Variants in CNTN4 observed in about 807,000 individuals in gnomAD.
The protein encoded by CNTN4 is contactin-4.
A neutral mutation model predicts 122.5 loss-of-function variants in CNTN4; 77 were observed. The ratio of observed to expected loss-of-function variants is 0.63; its 90% confidence interval spans 0.52 to 0.76. The LOEUF (loss-of-function observed/expected upper bound fraction) is 0.76, where lower values mean the gene tolerates loss of function less well. CNTN4 is among the 30% of genes least tolerant of loss of function. CNTN4 has a pLI of 0.00. For missense variants in CNTN4, 1,256 were observed against 1,259.1 expected, an observed-to-expected ratio of 1.00 and a Z score of 0.04; for synonymous variants, 512 against 447.0, an observed-to-expected ratio of 1.15 and a Z score of -1.83.
At chr3:2,365,737 A>G (rs1347784278) in intron 3 of CNTN4, among the ~76,000 whole-genome samples, 1 of 152,172 alleles carries the variant, frequency 6.6e-6, no homozygotes, top group African/African-American at 2.4e-5. Context: ...AAAAATATAT[A>G]TATACCATGT....
intron 2 of CNTN4, among the ~76,000 whole-genome samples, chr3:2,132,681 G>A (rs2034507989): frequency 6.6e-6 from 1 of 152,034 alleles, no homozygotes; most frequent in Non-Finnish European, 1.5e-5. Flanking sequence ...CTTAGTGCAG[G>A]AGTTTAAAAC....
intron 8 of CNTN4, among the ~76,000 whole-genome samples, chr3:2,870,983 C>A (rs1215161622): frequency 6.6e-6 from 1 of 152,128 alleles, no homozygotes; most frequent in East Asian, 1.9e-4. Context: ...CCGAGTCCTG[C>A]AAAACCCTGG....
At chr3:2,423,743 C>G (rs942446927) in intron 3 of CNTN4, among the ~76,000 whole-genome samples, 1 of 151,920 alleles carries the variant, frequency 6.6e-6, no homozygotes, top group Non-Finnish European at 1.5e-5. Flanking sequence ...ATTTTTTGCT[C>G]TCTTTTAATA....
chr3:2,913,156 A>G (rs2094319219), intron 12 of CNTN4, among the ~76,000 whole-genome samples: 1 of 152,234 alleles, frequency 6.6e-6, no homozygotes, highest in Admixed American at 6.5e-5. Context: ...TGTCTCAAAA[A>G]TAAACAAATT....
intron 6 of CNTN4, among the ~76,000 whole-genome samples, chr3:2,767,325 G>C (rs1315346961): frequency 1.3e-5 from 2 of 152,140 alleles, no homozygotes; most frequent in African/African-American, 4.8e-5. Flanking sequence ...CAAGTGATTG[G>C]TGTGAGTGCA....
chr3:2,613,968 G>T (rs556001852), intron 4 of CNTN4, among the ~76,000 whole-genome samples: 2 of 152,064 alleles, frequency 1.3e-5, no homozygotes, highest in South Asian at 2.1e-4. Context: ...TAACCCTCGT[G>T]GATACAGTAA....
intron 14 of CNTN4, among the ~76,000 whole-genome samples, chr3:3,008,832 A>G (rs1414754103): frequency 6.6e-6 from 1 of 152,184 alleles, no homozygotes; most frequent in Non-Finnish European, 1.5e-5. Flanking sequence ...CCAACCTAAT[A>G]TAATAGGAAT....
intron 4 of CNTN4, among the ~76,000 whole-genome samples, chr3:2,611,297 C>CAAAAAAAAAAAAAAAAAAAAAAA (rs201162114): frequency 4.3e-4 from 27 of 62,310 alleles, no homozygotes; most frequent in Non-Finnish European, 5.4e-4. Context: ...CACCTGGAAC[C>CAAAAAAAAAAAAAAAAAAAAAAA]AAAAAAAAAA....
intron 4 of CNTN4, among the ~76,000 whole-genome samples, chr3:2,643,045 C>G (rs1234971862): frequency 6.6e-6 from 1 of 152,218 alleles, no homozygotes; most frequent in Non-Finnish European, 1.5e-5. Flanking sequence ...ATACACAACT[C>G]TTGCCACAAA....
At chr3:2,419,932 G>A (rs2047554182) in intron 3 of CNTN4, among the ~76,000 whole-genome samples, 1 of 152,058 alleles carries the variant, frequency 6.6e-6, no homozygotes, top group Non-Finnish European at 1.5e-5. Context: ...TCTGCTTGAT[G>A]ACTGTAATTT....
chr3:2,196,335 T>G (rs2037830137), intron 2 of CNTN4, among the ~76,000 whole-genome samples: 1 of 152,212 alleles, frequency 6.6e-6, no homozygotes, highest in African/African-American at 2.4e-5. Context: ...TGAACCCTAC[T>G]GTGAATCCTG....
Position 2,866,862 on chromosome 3 carries a change from G to A in CNTN4, c.565G>A (p.Val189Ile), listed in dbSNP as rs776112548. 1.1e-5 allele frequency: 18 copies of A among 1,613,934 alleles called. No homozygotes were observed. The highest frequency in any genetic ancestry group is 1.6e-4 in the Middle Eastern group (1 of 6,084). Residue 189 changes from valine to isoleucine, a missense_variant, in exon 8 of 25, where the codon GTT (valine) becomes ATT (isoleucine). Val to Ile is a conservative substitution (Grantham distance 29). Coordinates refer to ENST00000418658, the MANE Select transcript of CNTN4 (RefSeq NM_175607.3). The stretch of plus-strand genomic sequence containing the variant: ...TATTGCCAAAGTAGAAAAATCAGAT[G>A]TTGGGAATTATACCTGTGTGGTTAC... Reference protein sequence around the residue: ...LYIAKVEKSDVGNYTCVVTNT... With the variant: ...LYIAKVEKSDIGNYTCVVTNT...
Position 2,383,017 on chromosome 3 carries a change from G to A in CNTN4, c.-89+43784G>A, listed in dbSNP as rs549065145. On this transcript the variant is annotated intron_variant, in intron 3 of 24. Coordinates refer to ENST00000418658, the MANE Select transcript of CNTN4 (RefSeq NM_175607.3). ...TTGAACTCGGGAGGCGGAGGTTGCA[G>A]TGAGCCGAGATTGTGCCACTGCACT... 5.9e-5 allele frequency among the ~76,000 whole-genome samples: 9 copies of A among 151,944 alleles called. No individual in the cohort carries two copies. The East Asian group carries it at 1.8e-3, about 30-fold the overall frequency.
chr3:2,830,415 G>A (rs929260219), intron 7 of CNTN4, among the ~76,000 whole-genome samples: 4 of 152,222 alleles, frequency 2.6e-5, no homozygotes, highest in Admixed American at 2.6e-4. Context: ...AATGAGAATG[G>A]ATCCATAAGG....
chr3:2,144,003 T>C (rs951342026), intron 2 of CNTN4: 2 of 152,230 alleles, frequency 1.3e-5, no homozygotes, highest in African/African-American at 4.8e-5. Flanking sequence ...ATTCTGAGCC[T>C]CCTTTCTGGG....
At chr3:2,127,512 CTT>C (rs2034234999) in intron 2 of CNTN4, among the ~76,000 whole-genome samples, 1 of 151,998 alleles carries the variant, frequency 6.6e-6, no homozygotes. Flanking sequence ...AAACTAGTCT[CTT>C]TTCTCTATTA....
At chr3:2,702,356 C>A (rs1576499187) in intron 4 of CNTN4, among the ~76,000 whole-genome samples, 1 of 152,314 alleles carries the variant, frequency 6.6e-6, no homozygotes, top group East Asian at 1.9e-4. Context: ...CTGCAAGTAT[C>A]CGTATGGATA....
chr3:2,252,382 C>T (rs373290077), intron 2 of CNTN4, among the ~76,000 whole-genome samples: 18 of 151,684 alleles, frequency 1.2e-4, no homozygotes, highest in East Asian at 5.9e-4. Context: ...TAGTATATAA[C>T]GTTTTTGATA....
chr3:2,487,502 C>T (rs1398366869), intron 3 of CNTN4, among the ~76,000 whole-genome samples: 2 of 152,192 alleles, frequency 1.3e-5, no homozygotes, highest in African/African-American at 4.8e-5. Flanking sequence ...GAGATAAATA[C>T]ATAATCGTTG....
Sources: allele counts gnomAD v4.1 joint callset (sites outside exome capture counted in the v4.1 genomes callset), GRCh38; gene constraint gnomAD v4.1.1; transcripts MANE v1.5; gene names NCBI Gene and HGNC (gene_info 2026-07-23, HGNC 2026-07-21).